SLC4A3: variants seen among roughly 807,000 people sequenced by gnomAD.
The protein encoded by SLC4A3 is solute carrier family 4 member 3, also known as anion exchange protein 3.
In SLC4A3, 47 loss-of-function variants were observed where a neutral mutation model predicts 114.2. The ratio of observed to expected loss-of-function variants is 0.41; its 90% confidence interval spans 0.33 to 0.52. The LOEUF is 0.52. SLC4A3 is among the 20% of genes least tolerant of loss of function. SLC4A3 has a pLI of 0.21. For synonymous variants in SLC4A3, 693 were observed against 710.3 expected, an observed-to-expected ratio of 0.98 and a Z score of 0.39; for missense variants, 1,312 against 1,668.3, an observed-to-expected ratio of 0.79 and a Z score of 3.72.
chr2:219,638,190 C>T lies in SLC4A3; in HGVS notation c.2793C>T (p.Gly931=), dbSNP rs928312453. 1 of 1,612,584 alleles carries T rather than the reference C, an allele frequency of 6.2e-7. No individual in the cohort carries two copies. The highest frequency in any genetic ancestry group is 8.5e-7 in the Non-Finnish European group (1 of 1,179,282). ...GKARRIIGDF[G]IPISILVMVL... ...CTCGTCGCATCATCGGGGACTTTGG[C>T]ATCCCCATCTCCATCCTGGTGATGG... Residue 931 remains glycine (G), a synonymous_variant, in exon 18 of 23, where the codon GGC becomes GGT. Coordinates refer to ENST00000358055, the MANE Select transcript of SLC4A3 (RefSeq NM_005070.4). The surrounding 1 kb of genome is among the most constrained non-coding windows in gnomAD (Gnocchi z 7.5).
In SLC4A3 at chr2:219,631,586, A is replaced by C; in HGVS notation, c.812-382A>C. The C allele has an allele frequency of 2.3e-6, 2 of 867,162 alleles. No individual in the cohort carries two copies. Among genetic ancestry groups the C allele is most frequent in the Admixed American group, 3.4e-5 (1 of 29,750 alleles). The allele number at this position is 867,162 out of a possible 1,614,324, so 53.7% of individuals were successfully genotyped here. On this transcript the variant is annotated intron_variant, in intron 6 of 22. Transcript: ENST00000358055. This position sits in a 1 kb window ranked among gnomAD's most constrained non-coding sequence, Gnocchi z 6.3. ...TCGGGGAGGGGACGTGGGTGTTGAG[A>C]TAGGGTGCACGGAAAATGTTGGGGG... is the stretch of plus-strand genomic sequence containing the variant.
Position 219,631,563 on chromosome 2 carries a change from G to A in SLC4A3, c.812-405G>A, listed in dbSNP as rs534767319. The stretch of plus-strand genomic sequence containing the variant: ...TGAGTCTACTGGGCTGTGTACCTTC[G>A]GGGAGGGGACGTGGGTGTTGAGATA... On this transcript the variant is annotated intron_variant, in intron 6 of 22. Coordinates refer to ENST00000358055, the MANE Select transcript of SLC4A3 (RefSeq NM_005070.4). The surrounding 1 kb of genome is among the most constrained non-coding windows in gnomAD (Gnocchi z 6.3). 1,496 of 1,065,864 alleles carry A rather than the reference G, an allele frequency of 1.4e-3. 1 individual carries two copies. The highest frequency in any genetic ancestry group is 1.5e-3 in the Non-Finnish European group (1,177 of 807,470). 66.0% of individuals were successfully genotyped at this position (1,065,864 alleles called of 1,614,324 possible).
chr2:219,628,066 G>C lies in SLC4A3; in HGVS notation c.51+23G>C, dbSNP rs544612211. 3 of 1,530,632 alleles carry C rather than the reference G, an allele frequency of 2.0e-6. No individual in the cohort carries two copies. The African/African-American group carries it at 4.2e-5, about 21-fold the overall frequency. The allele number at this position is 1,530,632 out of a possible 1,614,324, so 94.8% of individuals were successfully genotyped here. On this transcript the variant is annotated intron_variant, in intron 2 of 22. Coordinates refer to ENST00000358055, the MANE Select transcript of SLC4A3 (RefSeq NM_005070.4). This position sits in a 1 kb window ranked among gnomAD's most constrained non-coding sequence, Gnocchi z 4.8. ...CAGGTGATCGGCGCGCGCGGGGGCGGGGGAGAGATGGGGGAGGAGAGGGGA... is the reference window on the plus strand; with the variant it reads ...CAGGTGATCGGCGCGCGCGGGGGCGCGGGAGAGATGGGGGAGGAGAGGGGA...
intron 12 of SLC4A3, 112 bp downstream of exon 12, chr2:219,634,716 G>A (rs1254336662): frequency 1.7e-6 from 2 of 1,157,216 alleles, no homozygotes; most frequent in Non-Finnish European, 2.4e-6. Flanking sequence ...CCCCTGGGTG[G>A]AGGCCATGCC....
Position 219,639,378 on chromosome 2 carries a change from T to C in SLC4A3, c.3024-104T>C. ...CTGGCAGTCCTAGGGAGAACTGTTGTCTGCACGTCCTCCCCCCACCATCTC... is the reference window on the plus strand; with the variant it reads ...CTGGCAGTCCTAGGGAGAACTGTTGCCTGCACGTCCTCCCCCCACCATCTC... On this transcript the variant is annotated intron_variant, in intron 19 of 22. Coordinates refer to ENST00000358055, the MANE Select transcript of SLC4A3 (RefSeq NM_005070.4). This position sits in a 1 kb window ranked among gnomAD's most constrained non-coding sequence, Gnocchi z 5.9. 1 of 1,357,452 alleles carries C rather than the reference T, an allele frequency of 7.4e-7. No homozygotes were observed. The highest frequency in any genetic ancestry group is 1.0e-6 in the Non-Finnish European group (1 of 981,888). The allele number at this position is 1,357,452 out of a possible 1,614,324, so 84.1% of individuals were successfully genotyped here.
Position 219,631,064 on chromosome 2 carries a change from G to C in SLC4A3, c.811+712G>C. 1.9e-6 allele frequency: 2 copies of C among 1,071,462 alleles called. No homozygotes were observed. Among genetic ancestry groups the C allele is most frequent in the Non-Finnish European group, 2.3e-6 (2 of 870,558 alleles). 66.4% of individuals were successfully genotyped at this position (1,071,462 alleles called of 1,614,324 possible). On this transcript the variant is annotated intron_variant, in intron 6 of 22. Transcript: ENST00000358055. This position sits in a 1 kb window ranked among gnomAD's most constrained non-coding sequence, Gnocchi z 6.3. The stretch of plus-strand genomic sequence containing the variant: ...GGGGGAGGGCGTGTTTACAGACCCA[G>C]GGTGGGGGCTGGATGCCGCAGGGAG...
chr2:219,635,363 G>C lies in SLC4A3; in HGVS notation c.1839G>C (p.Pro613=), dbSNP rs747034568. Residue 613 remains proline, a synonymous_variant, in exon 13 of 23, where the codon CCG becomes CCC. Coordinates refer to ENST00000358055, the MANE Select transcript of SLC4A3 (RefSeq NM_005070.4). ...EFLDGSIVIP[P]SEVEGRDLLR... ...TGGATGGCAGCATTGTGATCCCCCC[G>C]TCCGAGGTGGAGGGCCGTGACCTGC... is the stretch of plus-strand genomic sequence containing the variant. 5 of 1,614,144 alleles carry C rather than the reference G, an allele frequency of 3.1e-6. No individual in the cohort carries two copies. Among genetic ancestry groups the C allele is most frequent in the Non-Finnish European group, 4.2e-6 (5 of 1,180,016 alleles).
rs1699130847 is a variant in SLC4A3, at chr2:219,636,712, T to A, written c.2373T>A (p.Thr791=). The change falls in exon 16 of 23, where the codon ACT becomes ACA. Residue 791 remains threonine, a synonymous_variant. Transcript: ENST00000358055. The surrounding 1 kb of genome is among the most constrained non-coding windows in gnomAD (Gnocchi z 5.5). ...GAGCCCAGGACCTGGAGTACCTCAC[T>A]GGCCGGGTGTGGGTTGGTCTCTGGC... ...FCRAQDLEYL[T]GRVWVGLWLV... is the part of the protein sequence containing the mutation. 6.2e-7 allele frequency: 1 copy of A among 1,613,912 alleles called. No individual in the cohort carries two copies.
In SLC4A3 at chr2:219,638,950, G is replaced by A. The variant is rs1699224579; in HGVS notation, c.3023+81G>A. 1.4e-6 allele frequency: 2 copies of A among 1,454,482 alleles called. No individual in the cohort carries two copies. The highest frequency in any genetic ancestry group is 2.8e-5 in the African/African-American group (2 of 72,066). The allele number at this position is 1,454,482 out of a possible 1,614,324, so 90.1% of individuals were successfully genotyped here. ...TGGCTTGGTTTCAGGGTTATAGCAGGGACATCATTATCAGTATCAGGGTGC... is the reference window on the plus strand; with the variant it reads ...TGGCTTGGTTTCAGGGTTATAGCAGAGACATCATTATCAGTATCAGGGTGC... On this transcript the variant is annotated intron_variant, in intron 19 of 22. Coordinates refer to ENST00000358055, the MANE Select transcript of SLC4A3 (RefSeq NM_005070.4). This position sits in a 1 kb window ranked among gnomAD's most constrained non-coding sequence, Gnocchi z 7.5.
intron 5 of SLC4A3, 149 bp downstream of exon 5, chr2:219,629,844 C>A: frequency 1.7e-6 from 1 of 582,590 alleles, no homozygotes; most frequent in Non-Finnish European, 2.9e-6. Flanking sequence ...GGGTGGGGAT[C>A]CTTCTCTGTC....
In SLC4A3 at chr2:219,633,021, G is replaced by A; in HGVS notation, c.1277+12G>A. 6.2e-7 allele frequency: 1 copy of A among 1,613,594 alleles called. No homozygotes were observed. Among genetic ancestry groups the A allele is most frequent in the Non-Finnish European group, 8.5e-7 (1 of 1,179,784 alleles). On this transcript the variant is annotated intron_variant, in intron 9 of 22. Coordinates refer to ENST00000358055, the MANE Select transcript of SLC4A3 (RefSeq NM_005070.4). Reference sequence around the variant, plus strand: ...CTACTGAAGCACAGGTGCCGGGGTGGGTCCCTGGGAGGGGCCTGTCCAGCT... The same window carrying A: ...CTACTGAAGCACAGGTGCCGGGGTGAGTCCCTGGGAGGGGCCTGTCCAGCT...
rs1334477064 is a variant in SLC4A3 at position 219,628,018 on chromosome 2, C to G, written c.26C>G (p.Pro9Arg). The change falls in exon 2 of 23, where the codon CCC (proline) becomes CGC (arginine). Residue 9 changes from proline to arginine, a missense_variant. By Grantham distance (103) the Pro-to-Arg change is moderately radical. Transcript: ENST00000358055. This position sits in a 1 kb window ranked among gnomAD's most constrained non-coding sequence, Gnocchi z 4.8. ...ATGGCCAACGGAGTGATCCCGCCGC[C>G]CGGGGGCGCCTCCCCCCTACCCCAG... Reference protein sequence around the residue: MANGVIPPPGGASPLPQVR... With the variant: MANGVIPPRGGASPLPQVR... 1 of 1,589,824 alleles carries G rather than the reference C, an allele frequency of 6.3e-7. No homozygotes were observed.
chr2:219,641,023 CTGTT>C lies in SLC4A3; in HGVS notation c.3621+64_3621+67del, dbSNP rs761897057. The C allele has an allele frequency of 7.6e-5, 113 of 1,492,320 alleles. No individual in the cohort carries two copies. Among genetic ancestry groups the C allele is most frequent in the East Asian group, 3.2e-4 (14 of 44,076 alleles). 92.4% of individuals were successfully genotyped at this position (1,492,320 alleles called of 1,614,324 possible). ...GCAAATGGGCACTGGGTTCCAATCT[CTGTT>C]TGGCCACCCACTAGTTGTGTTAGTT... is the stretch of plus-strand genomic sequence containing the variant. On this transcript the variant is annotated intron_variant, in intron 22 of 22. Coordinates refer to ENST00000358055, the MANE Select transcript of SLC4A3 (RefSeq NM_005070.4). This position sits in a 1 kb window ranked among gnomAD's most constrained non-coding sequence, Gnocchi z 4.0.
intron 11 of SLC4A3, 123 bp from the exon 12 acceptor site, chr2:219,634,297 C>A (rs1382842306): frequency 8.6e-6 from 8 of 928,656 alleles, no homozygotes; most frequent in Admixed American, 7.1e-5. Flanking sequence ...CCCTTTTAGA[C>A]TGGGGTTTCT....
intron 13 of SLC4A3, 27 bp from the exon 14 acceptor site, chr2:219,635,646 T>G: frequency 1.3e-6 from 2 of 1,544,994 alleles, no homozygotes; most frequent in South Asian, 2.4e-5. Context: ...GAGTGGTCTG[T>G]GCCCCAGCAG....
chr2:219,640,035 T>A (rs1699264663), intron 20 of SLC4A3, among the ~76,000 whole-genome samples: 1 of 151,974 alleles, frequency 6.6e-6, no homozygotes, highest in African/African-American at 2.4e-5. Context: ...GTTCACCCAT[T>A]CTCCTGCCTC....
Position 219,630,437 on chromosome 2 carries a change from C to A in SLC4A3, c.811+85C>A. On this transcript the variant is annotated intron_variant, in intron 6 of 22. Coordinates refer to ENST00000358055, the MANE Select transcript of SLC4A3 (RefSeq NM_005070.4). This position sits in a 1 kb window ranked among gnomAD's most constrained non-coding sequence, Gnocchi z 6.9. ...TGACCTTGGAGAGGCTCTGAGCTGT[C>A]CCCTGCTAAGGGCTGAGTCCTCTCT... 1 of 1,400,090 alleles carries A rather than the reference C, an allele frequency of 7.1e-7. No individual in the cohort carries two copies. Among genetic ancestry groups the A allele is most frequent in the African/African-American group, 1.4e-5 (1 of 70,364 alleles). The allele number at this position is 1,400,090 out of a possible 1,614,324, so 86.7% of individuals were successfully genotyped here.
chr2:219,634,566 G>A lies in SLC4A3; in HGVS notation c.1708G>A (p.Glu570Lys), dbSNP rs1699052532. ...CAGCCACACCAGCACTGACTATCAC[G>A]AGCTTGGGCGCTCCATTGCCACCCT... ...GPSHTSTDYH[E>K]LGRSIATLMS... is the part of the protein sequence containing the mutation. The change falls in exon 12 of 23, where the codon GAG becomes AAG. Residue 570 changes from glutamate (E) to lysine (K), a missense_variant. Physicochemically the swap from Glu to Lys is moderately conservative, Grantham distance 56. Transcript: ENST00000358055. 6.2e-7 allele frequency: 1 copy of A among 1,614,078 alleles called. No individual in the cohort carries two copies. The highest frequency in any genetic ancestry group is 1.3e-5 in the African/African-American group (1 of 74,934).
At chr2:219,633,034 G>T in intron 9 of SLC4A3, 25 bp downstream of exon 9, 1 of 1,612,308 alleles carries the variant, frequency 6.2e-7, no homozygotes, top group Non-Finnish European at 8.5e-7. Context: ...CCCTGGGAGG[G>T]GCCTGTCCAG....
Sources: allele counts gnomAD v4.1 joint callset (sites outside exome capture counted in the v4.1 genomes callset), GRCh38; gene constraint gnomAD v4.1.1; non-coding constraint Gnocchi (gnomAD v3.1); transcripts MANE v1.5; gene names NCBI Gene and HGNC (gene_info 2026-07-23, HGNC 2026-07-21).